The following WIPF3 variants were observed in gnomAD, a reference collection of about 807,000 sequenced individuals.
WIPF3 encodes the protein WAS/WASL-interacting protein family member 3.
A neutral mutation model predicts 38.9 loss-of-function variants in WIPF3; 33 were observed. The ratio of observed to expected loss-of-function variants is 0.85; its 90% CI spans 0.64 to 1.14. WIPF3 has a LOEUF of 1.14. Ranked by LOEUF, WIPF3 falls within the 50% of genes most tolerant of loss-of-function variation. The pLI, the probability that WIPF3 is intolerant of heterozygous loss-of-function variation, is 0.00. For missense variants in WIPF3, 711 were observed against 652.5 expected, an observed-to-expected ratio of 1.09 and a Z score of -0.98; for synonymous variants, 324 against 269.3, an observed-to-expected ratio of 1.20 and a Z score of -1.99.
At chr7:29,891,872 G>C (rs1442140104) in intron 7 of WIPF3, among the ~76,000 whole-genome samples, 1 of 152,168 alleles carries the variant, frequency 6.6e-6, no homozygotes, top group Non-Finnish European at 1.5e-5. Context: ...CCACGTGGGT[G>C]GGAAGGCATC....
rs569544900 is a variant in WIPF3 at position 29,846,602 on chromosome 7, G to A, written c.90+11788G>A. ...TGTAATCCCAGCTACTCGGGAGGCTGAGGCAGGAGAATCGCTTGAACCTGG... is the reference window on the plus strand; with the variant it reads ...TGTAATCCCAGCTACTCGGGAGGCTAAGGCAGGAGAATCGCTTGAACCTGG... On this transcript the variant is annotated intron_variant, in intron 2 of 8. Transcript: ENST00000242140. 1.4e-4 allele frequency among the ~76,000 whole-genome samples: 21 copies of A among 150,432 alleles called. No individual in the cohort carries two copies. In the South Asian group the frequency reaches 1.9e-3, roughly 13 times the overall value.
At chr7:29,865,404 C>T (rs1785368563) in intron 2 of WIPF3, among the ~76,000 whole-genome samples, 1 of 152,170 alleles carries the variant, frequency 6.6e-6, no homozygotes, top group Admixed American at 6.5e-5. Flanking sequence ...ACCACACTGC[C>T]TTCTTAATAA....
At position 29,834,812 on chromosome 7, in the gene WIPF3, C is replaced by A; in HGVS notation, c.88C>A (p.Pro30Thr). ...APPPPPPSAPPVSTDTSSLRR... is the reference protein window; with the variant it reads ...APPPPPPSAPTVSTDTSSLRR... ...TCCCCCTCCCCCACCATCAGCACCCCCGGTAAGACCTTTTTTTCTGATTGG... is the reference window on the plus strand; with the variant it reads ...TCCCCCTCCCCCACCATCAGCACCCACGGTAAGACCTTTTTTTCTGATTGG... The change falls in exon 2 of 9, where the codon CCG becomes ACG. Residue 30 changes from proline (P) to threonine (T), a missense_variant and splice_region_variant. Physicochemically the swap from Pro to Thr is conservative, Grantham distance 38 (BLOSUM62 -1). Coordinates refer to ENST00000242140, the MANE Select transcript of WIPF3 (RefSeq NM_001080529.3). 6.5e-7 allele frequency: 1 copy of A among 1,542,030 alleles called. No homozygotes were observed. Among genetic ancestry groups the A allele is most frequent in the Non-Finnish European group, 8.8e-7 (1 of 1,142,010 alleles).
At chr7:29,902,268 C>CTTTTTTTTTTTTTTTTTTT (rs1267369053) in intron 7 of WIPF3, among the ~76,000 whole-genome samples, 2 of 117,360 alleles carry the variant, frequency 1.7e-5, no homozygotes, top group African/African-American at 3.1e-5. Flanking sequence ...TCTTCTTCTT[C>CTTTTTTTTTTTTTTTTTTT]TTCTTCTTTT....
At chr7:29,837,564 T>C (rs1255079876) in intron 2 of WIPF3, among the ~76,000 whole-genome samples, 5 of 152,214 alleles carry the variant, frequency 3.3e-5, no homozygotes, top group Non-Finnish European at 7.3e-5. Flanking sequence ...TTGAATTCTC[T>C]CCTTCATTTC....
At chr7:29,827,953 A>G (rs1784650144) in intron 1 of WIPF3, among the ~76,000 whole-genome samples, 3 of 152,014 alleles carry the variant, frequency 2.0e-5, no homozygotes, top group Admixed American at 6.6e-5. Flanking sequence ...GCACCACCAC[A>G]CTTGGCTAAT....
chr7:29,898,466 C>T (rs1313579766), intron 7 of WIPF3, among the ~76,000 whole-genome samples: 1 of 152,182 alleles, frequency 6.6e-6, no homozygotes, highest in Admixed American at 6.5e-5. Flanking sequence ...CACTGCAGCC[C>T]AAGTGATTTG....
chr7:29,845,498 A>G (rs1348057278), intron 2 of WIPF3, among the ~76,000 whole-genome samples: 3 of 152,254 alleles, frequency 2.0e-5, no homozygotes, highest in African/African-American at 4.8e-5. Context: ...AGATGAGTAT[A>G]GAATTGGCTT....
chr7:29,883,412 A>G (rs1583617811), intron 4 of WIPF3, among the ~76,000 whole-genome samples: 1 of 151,846 alleles, frequency 6.6e-6, no homozygotes, highest in Non-Finnish European at 1.5e-5. Flanking sequence ...AGTGAAGAAA[A>G]CCTCCCTAGC....
At chr7:29,894,863 A>C (rs372386241) in intron 7 of WIPF3, among the ~76,000 whole-genome samples, 52 of 146,482 alleles carry the variant, frequency 3.5e-4, no homozygotes, top group Admixed American at 4.1e-4. Context: ...GGTGTTTGCT[A>C]TTTTCTTCCA....
intron 4 of WIPF3, among the ~76,000 whole-genome samples, chr7:29,881,540 T>G (rs1785716511): frequency 6.6e-6 from 1 of 152,218 alleles, no homozygotes; most frequent in Non-Finnish European, 1.5e-5. Context: ...AATGTATTTG[T>G]CTTTGTACCA....
intron 1 of WIPF3, among the ~76,000 whole-genome samples, chr7:29,829,858 C>A (rs568049474): frequency 6.6e-6 from 1 of 152,104 alleles, no homozygotes; most frequent in African/African-American, 2.4e-5. Context: ...ATGTGTATTT[C>A]GATGCTGTTT....
At chr7:29,904,525 ACACT>A in intron 8 of WIPF3, 163 bp downstream of exon 8, 1 of 640,158 alleles carries the variant, frequency 1.6e-6, no homozygotes, top group Non-Finnish European at 2.6e-6. Context: ...CCAGAATGAA[ACACT>A]CACCATTTCA....
At chr7:29,816,072 G>C (rs544130885) in intron 1 of WIPF3, among the ~76,000 whole-genome samples, 2 of 152,060 alleles carry the variant, frequency 1.3e-5, no homozygotes, top group South Asian at 2.1e-4. Flanking sequence ...CTCCTAATTC[G>C]GATAGTTCAA....
intron 1 of WIPF3, among the ~76,000 whole-genome samples, chr7:29,830,780 C>T (rs1046059954): frequency 2.6e-5 from 4 of 152,116 alleles, no homozygotes; most frequent in African/African-American, 4.8e-5. Flanking sequence ...GCGTCTACCA[C>T]GTGGTTGTTG....
rs533662378 is a variant in WIPF3, at chr7:29,888,193, C to T, written c.1225C>T (p.Arg409Ter). 9.3e-6 allele frequency: 15 copies of T among 1,611,260 alleles called. No individual in the cohort carries two copies. Among genetic ancestry groups the T allele is most frequent in the Non-Finnish European group, 1.1e-5 (13 of 1,178,714 alleles). ...TPTQQPGGQL[R>*]NGSLHIIDDF... ...GACGCAGCAGCCTGGAGGTCAACTG[C>T]GAAATGGAAGCCTGCACATCATTGG... The change falls in exon 6 of 9, where the codon CGA becomes TGA. Residue 409 changes from arginine (R) to a stop codon, truncating the protein, a stop_gained. Coordinates refer to ENST00000242140, the MANE Select transcript of WIPF3 (RefSeq NM_001080529.3). LOFTEE classifies it high-confidence loss of function.
rs374760031 is a variant in WIPF3, at chr7:29,876,864, G to A, written c.223+902G>A. ...ACGACCCACATTGAGTTCTGGTTCT[G>A]CAACCAGACAAATCGGGGAGCCTCT... is the stretch of plus-strand genomic sequence containing the variant. On this transcript the variant is annotated intron_variant, in intron 3 of 8. Transcript: ENST00000242140. Among the ~76,000 whole-genome samples, 6 of 152,298 alleles carry A rather than the reference G, an allele frequency of 3.9e-5. No homozygotes were observed. In the South Asian group the frequency reaches 1.2e-3, roughly 32 times the overall value.
chr7:29,841,219 C>G (rs2128066719), intron 2 of WIPF3, among the ~76,000 whole-genome samples: 1 of 152,282 alleles, frequency 6.6e-6, no homozygotes, highest in South Asian at 2.1e-4. Flanking sequence ...TAACGAAATG[C>G]AAACTTCACA....
At chr7:29,836,266 G>A (rs1388463770) in intron 2 of WIPF3, among the ~76,000 whole-genome samples, 8 of 152,286 alleles carry the variant, frequency 5.3e-5, no homozygotes, top group South Asian at 2.1e-4. Flanking sequence ...GATCTTGCAA[G>A]CACTGAAGAA....
Sources: allele counts gnomAD v4.1 joint callset (sites outside exome capture counted in the v4.1 genomes callset), GRCh38; gene constraint gnomAD v4.1.1; transcripts MANE v1.5; gene names NCBI Gene and HGNC (gene_info 2026-07-23, HGNC 2026-07-21).